Variants in CDK6 observed in about 807,000 individuals in gnomAD.
CDK6 encodes cyclin dependent kinase 6.
CDK6 carries 6 observed loss-of-function variants against 37.1 expected under a neutral mutation model. The observed-to-expected ratio is 0.16, with a 90% CI of 0.09 to 0.32. CDK6 has a LOEUF of 0.32. CDK6 is among the 10% of genes least tolerant of loss of function. CDK6 has a pLI of 1.00. For synonymous variants in CDK6, 160 were observed against 161.3 expected (o/e 0.99, Z 0.06); for missense variants, 224 against 418.9 (o/e 0.53, Z 4.06).
At chr7:92,665,267 T>C (rs140340085) in intron 5 of CDK6, among the ~76,000 whole-genome samples, 1 of 150,942 alleles carries the variant, frequency 6.6e-6, no homozygotes. Context: ...AACCATCCAA[T>C]CATCCATCCA....
chr7:92,719,568 A>G (rs1798317502), intron 4 of CDK6, among the ~76,000 whole-genome samples: 2 of 152,176 alleles, frequency 1.3e-5, no homozygotes. Context: ...ACTTAGTGAG[A>G]ATTTTATTAA....
intron 4 of CDK6, among the ~76,000 whole-genome samples, chr7:92,689,246 G>A (rs1049351780): frequency 1.3e-5 from 2 of 151,776 alleles, no homozygotes; most frequent in Non-Finnish European, 2.9e-5. Context: ...TTCCTTCTTC[G>A]CACCCTCCAC....
chr7:92,813,691 AT>A (rs989227518), intron 2 of CDK6, among the ~76,000 whole-genome samples: 2 of 152,228 alleles, frequency 1.3e-5, no homozygotes, highest in African/African-American at 4.8e-5. Context: ...TTCCAGAAAT[AT>A]GCTGACTTCA....
intron 5 of CDK6, among the ~76,000 whole-genome samples, chr7:92,670,503 A>G (rs745565851): frequency 6.6e-6 from 1 of 152,266 alleles, no homozygotes; most frequent in Non-Finnish European, 1.5e-5. Context: ...CCATGGAAAT[A>G]AAAATAGAAA....
At chr7:92,684,109 G>T in intron 4 of CDK6, among the ~76,000 whole-genome samples, 1 of 151,168 alleles carries the variant, frequency 6.6e-6, no homozygotes, top group Non-Finnish European at 1.5e-5. Flanking sequence ...ATAATCTTCA[G>T]TTTAATGGTG....
At chr7:92,648,147 C>T (rs889900434) in intron 5 of CDK6, among the ~76,000 whole-genome samples, 5 of 151,964 alleles carry the variant, frequency 3.3e-5, no homozygotes, top group Admixed American at 1.3e-4. Flanking sequence ...GTGTCATCTG[C>T]CCCCCTTCTT....
intron 4 of CDK6, among the ~76,000 whole-genome samples, chr7:92,712,004 C>T (rs552329689): frequency 2.0e-5 from 3 of 151,940 alleles, no homozygotes; most frequent in African/African-American, 4.8e-5. Context: ...TTGGCTAACA[C>T]GGTGAACCCT....
Position 92,609,845 on chromosome 7 carries a change from T to A in CDK6, c.*5295A>T. On this transcript the variant is annotated 3_prime_UTR_variant, in exon 8 of 8. Coordinates refer to ENST00000424848, the MANE Select transcript of CDK6 (RefSeq NM_001145306.2). ...TGACTGAATGAATGACTAGGCTTTCTTTACTTAAATGATCAAAATGGGTGT... is the reference window on the plus strand; with the variant it reads ...TGACTGAATGAATGACTAGGCTTTCATTACTTAAATGATCAAAATGGGTGT... The A allele has an allele frequency of 4.3e-6, 1 of 230,590 alleles. No individual in the cohort carries two copies. 14.3% of individuals were successfully genotyped at this position (230,590 alleles called of 1,614,324 possible). A position where few individuals can be genotyped will look rare whatever the true frequency, so the allele number is the denominator to read the frequency against.
chr7:92,751,044 T>C (rs1799177528), intron 3 of CDK6, among the ~76,000 whole-genome samples: 1 of 152,182 alleles, frequency 6.6e-6, no homozygotes, highest in East Asian at 1.9e-4. Context: ...TTCGTATTTT[T>C]TTACAAAGGA....
chr7:92,723,233 G>T (rs1272683621), intron 4 of CDK6, among the ~76,000 whole-genome samples: 1 of 152,116 alleles, frequency 6.6e-6, no homozygotes, highest in African/African-American at 2.4e-5. Context: ...AGAGGAAAAA[G>T]AAATTAATTT....
At chr7:92,631,168 T>C (rs574151802) in intron 5 of CDK6, among the ~76,000 whole-genome samples, 34 of 152,132 alleles carry the variant, frequency 2.2e-4, no homozygotes, top group African/African-American at 8.2e-4. Context: ...CAATACCTGG[T>C]CATTTGGGTA....
intron 3 of CDK6, among the ~76,000 whole-genome samples, chr7:92,735,328 A>G (rs1442560673): frequency 6.6e-6 from 1 of 152,054 alleles, no homozygotes; most frequent in Non-Finnish European, 1.5e-5. Context: ...ATAAAGGTAT[A>G]TTTCATACCT....
intron 4 of CDK6, among the ~76,000 whole-genome samples, chr7:92,701,520 C>T (rs1209972998): frequency 6.6e-6 from 1 of 152,074 alleles, no homozygotes; most frequent in East Asian, 1.9e-4. Flanking sequence ...ATTCTCCTGC[C>T]TCAGCCTCCC....
chr7:92,616,483 AGCTAAAGG>A (rs1795680592), intron 7 of CDK6, among the ~76,000 whole-genome samples: 1 of 152,170 alleles, frequency 6.6e-6, no homozygotes, highest in Non-Finnish European at 1.5e-5. Context: ...GAACATCAAG[AGCTAAAGG>A]GCAAGTGGAA....
rs61188860 is a variant in CDK6 at position 92,759,697 on chromosome 7, CAAAAAA to C, written c.369+14993_369+14998del. Among the ~76,000 whole-genome samples, 276 of 74,138 alleles carry C rather than the reference CAAAAAA, an allele frequency of 3.7e-3. 1 individual carries two copies. The highest frequency in any genetic ancestry group is 0.012 in the African/African-American group (261 of 22,338). The allele number at this position is 74,138 out of a possible 152,430, so 48.6% of individuals were successfully genotyped here. On this transcript the variant is annotated intron_variant, in intron 3 of 7. Coordinates refer to ENST00000424848, the MANE Select transcript of CDK6 (RefSeq NM_001145306.2). ...TAGGATGGAACAACAGACTTTAAGGCAAAAAAAAAAAAAAAAAAAGAAAAAAGAAAG... is the reference window on the plus strand; with the variant it reads ...TAGGATGGAACAACAGACTTTAAGGCAAAAAAAAAAAAAGAAAAAAGAAAG...
rs1795621320 is a variant in CDK6 at position 92,614,161 on chromosome 7, T to C, written c.*979A>G. 4.3e-6 allele frequency: 1 copy of C among 232,822 alleles called. No homozygotes were observed. The highest frequency in any genetic ancestry group is 6.1e-5 in the East Asian group (1 of 16,528). The allele number at this position is 232,822 out of a possible 1,614,324, so 14.4% of individuals were successfully genotyped here. On this transcript the variant is annotated 3_prime_UTR_variant, in exon 8 of 8. Transcript: ENST00000424848. ...AAAACAGGAAAGAGTTTCTGACAAA[T>C]TCCTAAAAACAAAAACAAAATAACA...
At chr7:92,672,854 C>T (rs1416533336) in intron 4 of CDK6, among the ~76,000 whole-genome samples, 1 of 152,144 alleles carries the variant, frequency 6.6e-6, no homozygotes, top group Non-Finnish European at 1.5e-5. Context: ...ATTGCAGTAG[C>T]AAGTCTCAAT....
chr7:92,808,367 A>G (rs185851779), intron 2 of CDK6, among the ~76,000 whole-genome samples: 1 of 152,354 alleles, frequency 6.6e-6, no homozygotes, highest in East Asian at 1.9e-4. Flanking sequence ...GCTTTTGCCT[A>G]TATTGGCCAG....
At chr7:92,630,679 A>G (rs995957666) in intron 5 of CDK6, among the ~76,000 whole-genome samples, 5 of 152,154 alleles carry the variant, frequency 3.3e-5, no homozygotes, top group East Asian at 1.9e-4. Context: ...CGCAGGCTCA[A>G]CACTCCGGGG....
Sources: gnomAD v4.1 joint callset for allele counts (sites outside exome capture counted in the v4.1 genomes callset) on GRCh38, gnomAD v4.1.1 for gene constraint, MANE v1.5 for transcripts, NCBI Gene and HGNC (gene_info 2026-07-23, HGNC 2026-07-21) for gene names.